Variants in TMEM235 observed in about 807,000 individuals in gnomAD.
The protein encoded by TMEM235 is claudin-27.
A neutral mutation model predicts 22.9 loss-of-function variants in TMEM235; 23 were observed. The ratio of observed to expected loss-of-function variants is 1.00; its 90% CI spans 0.72 to 1.42. TMEM235 has a LOEUF of 1.42. Among genes scored for constraint, TMEM235 ranks in the 40% most tolerant of loss-of-function variants. The pLI is 0.00. For synonymous variants in TMEM235, 137 were observed against 140.5 expected, an observed-to-expected ratio of 0.98 and a Z score of 0.17; for missense variants, 308 against 299.5, an observed-to-expected ratio of 1.03 and a Z score of -0.21.
rs889420864 is a variant in TMEM235, at chr17:78,237,666, A to G, written c.410-1358A>G. Among the ~76,000 whole-genome samples the G allele has an allele frequency of 3.3e-5, 5 of 150,900 alleles. No individual in the cohort carries two copies. Among genetic ancestry groups the G allele is most frequent in the Non-Finnish European group, 5.9e-5 (4 of 67,670 alleles). ...CAGGCAGAGACAGGCAGAGACAGGC[A>G]CCTCCTGCCGCACGGTCAGCCCCCG... On this transcript the variant is annotated intron_variant, in intron 4 of 5. Transcript: ENST00000421688. This position sits in a 1 kb window ranked among gnomAD's most constrained non-coding sequence, Gnocchi z 4.7.
rs894275852 is a variant in TMEM235, at chr17:78,238,414, G to A, written c.410-610G>A. ...GGGAGGACAGGGGGGCTCTGGAAGG[G>A]GAGTCAGAGGGAGGGGGATGTTAGC... On this transcript the variant is annotated intron_variant, in intron 4 of 5. Transcript: ENST00000421688. The surrounding 1 kb of genome is among the most constrained non-coding windows in gnomAD (Gnocchi z 4.3). Among the ~76,000 whole-genome samples the A allele has an allele frequency of 6.6e-6, 1 of 152,050 alleles. No homozygotes were observed. Among genetic ancestry groups the A allele is most frequent in the Admixed American group, 6.5e-5 (1 of 15,268 alleles).
intron 3 of TMEM235, 61 bp from the exon 3 acceptor site, chr17:78,234,532 C>T (rs1405545130): frequency 3.2e-5 from 49 of 1,529,468 alleles, no homozygotes; most frequent in Non-Finnish European, 4.3e-5. Flanking sequence ...TGTCCTCCGG[C>T]AGACAAGTGC....
exon 2 of TMEM235, chr17:78,231,778 G>C (rs534043203): frequency 8.2e-7 from 1 of 1,221,490 alleles, no homozygotes; most frequent in South Asian, 1.5e-5. Flanking sequence ...TTCGCCGCGC[G>C]GCTCTCGACT....
In TMEM235 at chr17:78,234,708, C is replaced by T. The variant is rs75864177; in HGVS notation, c.387C>T (p.Thr129=). The T allele has an allele frequency of 1.2e-3, 1,916 of 1,536,018 alleles. 32 individuals carry two copies. In the African/African-American group the frequency reaches 0.021, roughly 17 times the overall value. Reference sequence around the variant, plus strand: ...AGAGCGTGTCTCTGCTGCTTTTCACCGGCTGCTACTTCCTGCTGGGGAGTG... The same window carrying T: ...AGAGCGTGTCTCTGCTGCTTTTCACTGGCTGCTACTTCCTGCTGGGGAGTG... The change falls in exon 4 of 6, where the codon ACC becomes ACT. Residue 129 remains threonine, a synonymous_variant. Coordinates refer to ENST00000421688, the Ensembl canonical transcript of TMEM235.
rs1037583677 is a variant in TMEM235 at position 78,234,096 on chromosome 17, G to A, written c.271+121G>A. 16 of 917,884 alleles carry A rather than the reference G, an allele frequency of 1.7e-5. No individual in the cohort carries two copies. The Admixed American group carries it at 2.0e-4, about 12-fold the overall frequency. 56.9% of individuals were successfully genotyped at this position (917,884 alleles called of 1,614,324 possible). On this transcript the variant is annotated intron_variant, in intron 3 of 5. Coordinates refer to ENST00000421688, the Ensembl canonical transcript of TMEM235. ...ACTGCCCCTGCGTTTCCAAGAGGAC[G>A]TTTCCACGCAGACCTGTCCCAGTGC...
In TMEM235 at chr17:78,234,104, G is replaced by A. The variant is rs558750440; in HGVS notation, c.271+129G>A. 3.2e-4 allele frequency: 269 copies of A among 839,750 alleles called. 2 individuals are homozygous for A. The highest frequency in any genetic ancestry group is 3.1e-3 in the South Asian group (194 of 62,288). 52.0% of individuals were successfully genotyped at this position (839,750 alleles called of 1,614,324 possible). A position where few individuals can be genotyped will look rare whatever the true frequency, so the allele number is the denominator to read the frequency against. On this transcript the variant is annotated intron_variant, in intron 3 of 5. Transcript: ENST00000421688. ...TGCGTTTCCAAGAGGACGTTTCCAC[G>A]CAGACCTGTCCCAGTGCTGTGCTGC... is the stretch of plus-strand genomic sequence containing the variant.
chr17:78,239,745 C>A, intron 5 of TMEM235, 35 bp from the exon 5 acceptor site: 1 of 1,524,530 alleles, frequency 6.6e-7, no homozygotes, highest in Non-Finnish European at 8.9e-7. Context: ...CCCGCAATGG[C>A]CCTACTCAAT....
At position 78,231,368 on chromosome 17, in the gene TMEM235, G is replaced by A. The variant is rs553572915; in HGVS notation, c.-593+27G>A. 52 of 1,239,666 alleles carry A rather than the reference G, an allele frequency of 4.2e-5. No homozygotes were observed. The African/African-American group carries it at 6.5e-4, about 16-fold the overall frequency. 76.8% of individuals were successfully genotyped at this position (1,239,666 alleles called of 1,614,324 possible). A position where few individuals can be genotyped will look rare whatever the true frequency, so the allele number is the denominator to read the frequency against. On this transcript the variant is annotated intron_variant, in intron 1 of 5. Transcript: ENST00000421688. ...TGAGTGACTGGACAGGCAGAGGCCGGCCTTGCTGGAGGGGGCATTTGTAAT... is the reference window on the plus strand; with the variant it reads ...TGAGTGACTGGACAGGCAGAGGCCGACCTTGCTGGAGGGGGCATTTGTAAT...
chr17:78,234,050 C>A, intron 3 of TMEM235, 75 bp downstream of exon 2: 2 of 1,309,630 alleles, frequency 1.5e-6, no homozygotes, highest in Non-Finnish European at 2.1e-6. Context: ...ATCCCCATCC[C>A]CATCCCGCAG....
intron 2 of TMEM235, 56 bp from the exon 2 acceptor site, chr17:78,233,839 G>A: frequency 1.3e-6 from 2 of 1,504,638 alleles, no homozygotes; most frequent in Non-Finnish European, 1.8e-6. Flanking sequence ...GCTCGGGTAG[G>A]CTGCTGGGTG....
chr17:78,233,832 C>T lies in TMEM235; in HGVS notation c.191-63C>T, dbSNP rs1567873053. ...GTGGTGCCAGGGGGTCCCCTGGGCT[C>T]GGGTAGGCTGCTGGGTGCACCACAG... is the stretch of plus-strand genomic sequence containing the variant. On this transcript the variant is annotated intron_variant, in intron 2 of 5. Coordinates refer to ENST00000421688, the Ensembl canonical transcript of TMEM235. 41 of 1,488,600 alleles carry T rather than the reference C, an allele frequency of 2.8e-5. 1 individual carries two copies. The South Asian group carries it at 3.5e-4, about 13-fold the overall frequency. 92.2% of individuals were successfully genotyped at this position (1,488,600 alleles called of 1,614,324 possible). A position where few individuals can be genotyped will look rare whatever the true frequency, so the allele number is the denominator to read the frequency against.
At chr17:78,233,925 C>A in exon 3 of TMEM235, 1 of 1,535,780 alleles carries the variant, frequency 6.5e-7, no homozygotes. Flanking sequence ...CTGGTCGACC[C>A]TTTTGCCAGT....
exon 6 of TMEM235, chr17:78,239,794 G>C: frequency 6.5e-7 from 1 of 1,547,758 alleles, no homozygotes; most frequent in Non-Finnish European, 8.7e-7. Context: ...GGAGACTGAG[G>C]CCCAGAGCGG....
exon 2 of TMEM235, chr17:78,231,822 C>T: frequency 8.3e-7 from 1 of 1,205,048 alleles, no homozygotes. Flanking sequence ...AGCTCAGCGA[C>T]CGCAGAGAGG....
At position 78,233,924 on chromosome 17, in the gene TMEM235, C is replaced by G. The variant is rs1567873199; in HGVS notation, c.220C>G (p.Pro74Ala). The G allele has an allele frequency of 2.0e-6, 3 of 1,535,680 alleles. No homozygotes were observed. Among genetic ancestry groups the G allele is most frequent in the African/African-American group, 1.4e-5 (1 of 72,986 alleles). ...GAACGGCTGCATCCCGCTGGTCGAC[C>G]CTTTTGCCAGTGAGAGCCTGGACGT... The change falls in exon 3 of 6, where the codon CCT becomes GCT. Residue 74 changes from proline (P) to alanine (A), a missense_variant. Around this residue, in one of 2 missense-constraint regions of TMEM235, gnomAD observed 285 missense variants for 256.2 expected, o/e 1.11. Transcript: ENST00000421688.
At chr17:78,232,480 A>G (rs953028997) in intron 2 of TMEM235, among the ~76,000 whole-genome samples, 1 of 152,044 alleles carries the variant, frequency 6.6e-6, no homozygotes, top group African/African-American at 2.4e-5. Context: ...ACAGTGGGGG[A>G]GGGAAGCCTA....
chr17:78,233,955 C>T (rs1407222437), exon 3 of TMEM235: 4 of 1,532,612 alleles, frequency 2.6e-6, no homozygotes, highest in Non-Finnish European at 3.5e-6. Flanking sequence ...GACGTCTCCA[C>T]CTCGGTGCAG....
In TMEM235 at chr17:78,239,705, G is replaced by A. The variant is rs1046616674; in HGVS notation, c.660-75G>A. 3.7e-5 allele frequency: 55 copies of A among 1,482,268 alleles called. 1 individual carries two copies. The Admixed American group carries it at 4.6e-4, about 12-fold the overall frequency. The allele number at this position is 1,482,268 out of a possible 1,614,324, so 91.8% of individuals were successfully genotyped here. On this transcript the variant is annotated intron_variant, in intron 5 of 5. Coordinates refer to ENST00000421688, the Ensembl canonical transcript of TMEM235. ...GAAAAGTAGGTGCCTGTTAAATGCC[G>A]CAGGACTGGGCTCCATGCTCCTCTC...
chr17:78,234,715 T>A (rs1404448341), exon 4 of TMEM235: 1 of 1,535,918 alleles, frequency 6.5e-7, no homozygotes, highest in Non-Finnish European at 8.7e-7. Context: ...CACCGGCTGC[T>A]ACTTCCTGCT....
Sources: allele counts gnomAD v4.1 joint callset (sites outside exome capture counted in the v4.1 genomes callset), GRCh38; gene constraint gnomAD v4.1.1; regional missense constraint gnomAD v4.1.1; non-coding constraint Gnocchi (gnomAD v3.1); transcripts MANE v1.5; gene names NCBI Gene and HGNC (gene_info 2026-07-23, HGNC 2026-07-21).